The following PPP4R4 variants were observed in gnomAD, a reference collection of about 807,000 sequenced individuals.
PPP4R4 encodes serine/threonine-protein phosphatase 4 regulatory subunit 4.
In PPP4R4, 70 loss-of-function variants were observed where a neutral mutation model predicts 121.8. The ratio of observed to expected loss-of-function variants is 0.57; its 90% confidence interval spans 0.47 to 0.70. The LOEUF is 0.70. Ranked by LOEUF, PPP4R4 falls within the 30% of genes least tolerant of loss-of-function variation. The probability of loss-of-function intolerance (pLI) is 0.00; values close to 1 mark genes in which losing one functional copy is unlikely to be tolerated. For synonymous variants in PPP4R4, 348 were observed against 355.7 expected (o/e 0.98, Z 0.24); for missense variants, 875 against 1,033.6 (o/e 0.85, Z 2.10).
At chr14:94,181,809 A>G (rs1406413881) in intron 2 of PPP4R4, among the ~76,000 whole-genome samples, 1 of 152,218 alleles carries the variant, frequency 6.6e-6, no homozygotes, top group African/African-American at 2.4e-5. Context: ...ACTTAATTTG[A>G]TAGAAACAAA....
At position 94,231,323 on chromosome 14, in the gene PPP4R4, T is replaced by C. The variant is rs772289433; in HGVS notation, c.516+8T>C. The C allele has an allele frequency of 1.3e-6, 2 of 1,593,030 alleles. No homozygotes were observed. Among genetic ancestry groups the C allele is most frequent in the Non-Finnish European group, 1.7e-6 (2 of 1,162,640 alleles). ...GAAACCCTACGGCATGAGGTAATACTTTCATGGGGGCAAATACTAATAAGT... is the reference window on the plus strand; with the variant it reads ...GAAACCCTACGGCATGAGGTAATACCTTCATGGGGGCAAATACTAATAAGT... On this transcript the variant is annotated splice_region_variant and intron_variant, in intron 5 of 24. Coordinates refer to ENST00000304338, the MANE Select transcript of PPP4R4 (RefSeq NM_058237.2).
intron 3 of PPP4R4, among the ~76,000 whole-genome samples, chr14:94,209,706 G>A (rs1890644084): frequency 6.6e-6 from 1 of 152,026 alleles, no homozygotes; most frequent in African/African-American, 2.4e-5. Context: ...ACCTACACTT[G>A]TCAGCATGAC....
chr14:94,263,657 G>A lies in PPP4R4; in HGVS notation c.2128-1221G>A, dbSNP rs143632825. Reference sequence around the variant, plus strand: ...AAAAACAGACAATAGAAAGAGAACCGCAGATAATCCTGATACTGGAATTAG... The same window carrying A: ...AAAAACAGACAATAGAAAGAGAACCACAGATAATCCTGATACTGGAATTAG... On this transcript the variant is annotated intron_variant, in intron 19 of 24. Coordinates refer to ENST00000304338, the MANE Select transcript of PPP4R4 (RefSeq NM_058237.2). 6.4e-3 allele frequency among the ~76,000 whole-genome samples: 969 copies of A among 152,206 alleles called. 10 individuals are homozygous for A. The highest frequency in any genetic ancestry group is 0.021 in the African/African-American group (861 of 41,554).
At chr14:94,253,508 A>G (rs775338250) in intron 16 of PPP4R4, among the ~76,000 whole-genome samples, 9 of 152,212 alleles carry the variant, frequency 5.9e-5, no homozygotes, top group Non-Finnish European at 1.2e-4. Context: ...CTTCCTAAAC[A>G]ACTAATGGGT....
At position 94,246,350 on chromosome 14, in the gene PPP4R4, T is replaced by C. The variant is rs770656715; in HGVS notation, c.1429-7T>C. The C allele has an allele frequency of 6.3e-7, 1 of 1,584,982 alleles. No homozygotes were observed. The highest frequency in any genetic ancestry group is 1.2e-5 in the South Asian group (1 of 86,192). On this transcript the variant is annotated splice_polypyrimidine_tract_variant and splice_region_variant and intron_variant, in intron 13 of 24. Coordinates refer to ENST00000304338, the MANE Select transcript of PPP4R4 (RefSeq NM_058237.2). ...ATAATTGATTTTTTGATGCGTTTCA[T>C]TTTCAGTTATCTTCTCTGCCTGACT...
chr14:94,184,424 A>C (rs995741621), intron 2 of PPP4R4, among the ~76,000 whole-genome samples: 2 of 151,992 alleles, frequency 1.3e-5, no homozygotes, highest in South Asian at 4.2e-4. Context: ...ATGCCTAGCT[A>C]ATTAAGTTTT....
chr14:94,197,569 A>G (rs1889950353), intron 2 of PPP4R4, among the ~76,000 whole-genome samples: 1 of 152,152 alleles, frequency 6.6e-6, no homozygotes, highest in Non-Finnish European at 1.5e-5. Context: ...TTATTGAGGT[A>G]TTGATGTACA....
chr14:94,278,534 T>C, intron 24 of PPP4R4, 85 bp from the exon 25 acceptor site: 1 of 779,944 alleles, frequency 1.3e-6, no homozygotes, highest in Non-Finnish European at 2.0e-6. Flanking sequence ...ATGAATAACA[T>C]TTTTCATATT....
intron 2 of PPP4R4, among the ~76,000 whole-genome samples, chr14:94,197,775 G>A (rs1030184396): frequency 6.6e-6 from 1 of 151,978 alleles, no homozygotes; most frequent in Non-Finnish European, 1.5e-5. Context: ...AGTTCAGTTT[G>A]TATTTTCTGT....
chr14:94,219,371 G>A (rs1196374076), intron 3 of PPP4R4, among the ~76,000 whole-genome samples: 2 of 151,886 alleles, frequency 1.3e-5, no homozygotes, highest in Non-Finnish European at 2.9e-5. Flanking sequence ...TGGCTGTAAA[G>A]GAAATTATTT....
intron 2 of PPP4R4, among the ~76,000 whole-genome samples, chr14:94,186,872 C>T (rs1460630745): frequency 6.6e-6 from 1 of 152,104 alleles, no homozygotes; most frequent in Non-Finnish European, 1.5e-5. Context: ...ACTGTAATTG[C>T]AGGTTTGTCT....
intron 22 of PPP4R4, 49 bp downstream of exon 22, chr14:94,265,936 C>G: frequency 8.1e-7 from 1 of 1,227,208 alleles, no homozygotes; most frequent in Non-Finnish European, 1.1e-6. Context: ...TATCTTTATT[C>G]ACATCTTCAT....
chr14:94,219,483 A>T (rs918729245), intron 3 of PPP4R4, among the ~76,000 whole-genome samples: 3 of 152,246 alleles, frequency 2.0e-5, no homozygotes, highest in Non-Finnish European at 4.4e-5. Flanking sequence ...TAACAATTCT[A>T]CACAAATTCT....
At chr14:94,234,489 TA>T in intron 6 of PPP4R4, 72 bp from the exon 7 acceptor site, 1 of 902,960 alleles carries the variant, frequency 1.1e-6, no homozygotes, top group Non-Finnish European at 1.8e-6. Flanking sequence ...GTTAAGATTT[TA>T]ATGATAATTG....
chr14:94,231,147 T>A (rs1170115558), intron 4 of PPP4R4, 95 bp from the exon 5 acceptor site: 1 of 894,368 alleles, frequency 1.1e-6, no homozygotes, highest in African/African-American at 1.7e-5. Context: ...TATTTCCATT[T>A]TATCATTAAG....
chr14:94,229,945 C>G (rs1232769073), intron 3 of PPP4R4, among the ~76,000 whole-genome samples: 1 of 152,042 alleles, frequency 6.6e-6, no homozygotes, highest in South Asian at 2.1e-4. Context: ...TGAAAACATA[C>G]TATAATATAG....
chr14:94,223,096 G>T (rs1012005391), intron 3 of PPP4R4, among the ~76,000 whole-genome samples: 79 of 152,076 alleles, frequency 5.2e-4, no homozygotes, highest in African/African-American at 1.7e-3. Context: ...ATATCTTAGA[G>T]AATTCTCTGT....
At chr14:94,241,736 T>C in intron 9 of PPP4R4, 52 bp from the exon 10 acceptor site, 14 of 1,388,930 alleles carry the variant, frequency 1.0e-5, no homozygotes, top group Non-Finnish European at 1.4e-5. Context: ...TTTCCCTTTT[T>C]AAATTTTGTT....
At chr14:94,248,607 C>T (rs567998711) in intron 14 of PPP4R4, among the ~76,000 whole-genome samples, 6 of 152,234 alleles carry the variant, frequency 3.9e-5, no homozygotes, top group African/African-American at 1.4e-4. Flanking sequence ...CTATTTCAGC[C>T]CTCTGTTTAC....
Sources: allele counts gnomAD v4.1 joint callset (sites outside exome capture counted in the v4.1 genomes callset), GRCh38; gene constraint gnomAD v4.1.1; transcripts MANE v1.5; gene names NCBI Gene and HGNC (gene_info 2026-07-23, HGNC 2026-07-21).